Variants in MYT1L observed in about 807,000 individuals in gnomAD.
MYT1L encodes the protein myelin transcription factor 1-like protein.
In MYT1L, 12 loss-of-function variants were observed where a neutral mutation model predicts 126.7. That is an observed-to-expected ratio of 0.09 (90% CI 0.06 to 0.15). The LOEUF is 0.15. MYT1L is among the 10% of genes least tolerant of loss of function. The pLI, the probability that MYT1L is intolerant of heterozygous loss-of-function variation, is 1.00. For synonymous variants in MYT1L, 541 were observed against 604.2 expected (o/e 0.90, Z 1.53); for missense variants, 979 against 1,585.2 (o/e 0.62, Z 6.49).
At chr2:1,955,651 T>C (rs2058278084) in intron 8 of MYT1L, among the ~76,000 whole-genome samples, 1 of 152,208 alleles carries the variant, frequency 6.6e-6, no homozygotes, top group Non-Finnish European at 1.5e-5. Flanking sequence ...ATAAAGAGGA[T>C]TAAGAACGTT....
At chr2:1,821,987 T>C (rs116229221) in intron 21 of MYT1L, among the ~76,000 whole-genome samples, 428 of 152,272 alleles carry the variant, frequency 2.8e-3, no homozygotes, top group Non-Finnish European at 4.5e-3. Context: ...CTTAGACAAT[T>C]CAACTACTCC....
chr2:2,125,209 C>T (rs2081531532), intron 3 of MYT1L, among the ~76,000 whole-genome samples: 1 of 152,064 alleles, frequency 6.6e-6, no homozygotes, highest in Admixed American at 6.5e-5. Context: ...TGCCAGTCTC[C>T]CTCACTGCTG....
Position 2,224,364 on chromosome 2 carries a change from G to A in MYT1L, c.-420-51376C>T, listed in dbSNP as rs894562987. ...CAAAGGAAGAAGGTCCATGGGCTCA[G>A]TGTCCCTCAAAACTAACATCCCCAA... On this transcript the variant is annotated intron_variant, in intron 2 of 24. Transcript: ENST00000647738. The surrounding 1 kb of genome is among the most constrained non-coding windows in gnomAD (Gnocchi z 4.0). 2.0e-5 allele frequency among the ~76,000 whole-genome samples: 3 copies of A among 152,112 alleles called. No individual in the cohort carries two copies. The highest frequency in any genetic ancestry group is 1.3e-4 in the Admixed American group (2 of 15,264).
intron 21 of MYT1L, among the ~76,000 whole-genome samples, chr2:1,819,210 G>A (rs745459201): frequency 1.3e-5 from 2 of 152,186 alleles, no homozygotes; most frequent in Non-Finnish European, 2.9e-5. Flanking sequence ...GGAGAAGAAG[G>A]CCTGAGAAGA....
At chr2:2,163,852 G>A (rs1475106954) in intron 3 of MYT1L, among the ~76,000 whole-genome samples, 3 of 152,130 alleles carry the variant, frequency 2.0e-5, no homozygotes, top group Admixed American at 6.5e-5. Context: ...GAAATTGTTA[G>A]TGGTCCATGA....
chr2:2,043,799 A>G (rs1012568100), intron 4 of MYT1L, among the ~76,000 whole-genome samples: 2 of 152,262 alleles, frequency 1.3e-5, no homozygotes, highest in Non-Finnish European at 2.9e-5. Flanking sequence ...ATGCATGAAT[A>G]TGGTACATAA....
At chr2:2,064,631 T>C (rs565654117) in intron 3 of MYT1L, among the ~76,000 whole-genome samples, 2 of 152,320 alleles carry the variant, frequency 1.3e-5, no homozygotes, top group East Asian at 1.9e-4. Context: ...CAATTCTGAA[T>C]TAGAAACAAT....
intron 8 of MYT1L, among the ~76,000 whole-genome samples, chr2:1,957,762 T>C (rs1452691113): frequency 6.6e-6 from 1 of 151,888 alleles, no homozygotes. Context: ...GCCGAGCATT[T>C]ATTTCTCTCT....
chr2:2,312,408 C>T (rs971052264), intron 1 of MYT1L, among the ~76,000 whole-genome samples: 10 of 151,994 alleles, frequency 6.6e-5, no homozygotes, highest in African/African-American at 1.9e-4. Context: ...CTCAGGAGTT[C>T]AAGACCAGCC....
intron 13 of MYT1L, among the ~76,000 whole-genome samples, chr2:1,904,371 T>TTTG (rs981333408): frequency 2.0e-5 from 3 of 151,996 alleles, no homozygotes; most frequent in Admixed American, 6.6e-5. Context: ...CATTCTTTTT[T>TTTG]TTGTTGTTGT....
intron 2 of MYT1L, among the ~76,000 whole-genome samples, chr2:2,195,844 C>T (rs1166825525): frequency 6.6e-6 from 1 of 151,540 alleles, no homozygotes; most frequent in Admixed American, 6.6e-5. Flanking sequence ...GGAGAAACTA[C>T]CAATATTAAT....
chr2:2,206,682 A>T (rs1408127514), intron 2 of MYT1L, among the ~76,000 whole-genome samples: 1 of 152,348 alleles, frequency 6.6e-6, no homozygotes, highest in Middle Eastern at 3.4e-3. Context: ...GTTAGGTTAG[A>T]TGCTACATTG....
chr2:1,804,263 C>A (rs10205014), intron 22 of MYT1L, among the ~76,000 whole-genome samples: 8 of 152,086 alleles, frequency 5.3e-5, no homozygotes, highest in Non-Finnish European at 1.5e-5. Context: ...TGGGATTATA[C>A]GTGCCTGCCA....
intron 2 of MYT1L, among the ~76,000 whole-genome samples, chr2:2,202,337 G>T (rs2093117216): frequency 1.3e-5 from 2 of 152,080 alleles, no homozygotes; most frequent in South Asian, 4.1e-4. Context: ...CCAGGAGCTG[G>T]TTTTTTGAAA....
intron 2 of MYT1L, among the ~76,000 whole-genome samples, chr2:2,227,495 C>G (rs1178050818): frequency 6.6e-6 from 1 of 152,084 alleles, no homozygotes; most frequent in Non-Finnish European, 1.5e-5. Flanking sequence ...AGGATGGAGC[C>G]CAGGATGAGG....
chr2:2,004,256 G>T (rs903359407), intron 4 of MYT1L, among the ~76,000 whole-genome samples: 1,058 of 73,598 alleles, frequency 0.014, 20 homozygotes, highest in Non-Finnish European at 0.022. Flanking sequence ...CTTTCCTGCA[G>T]GCGTTCTTTC....
At chr2:2,215,598 C>T (rs766895053) in intron 2 of MYT1L, among the ~76,000 whole-genome samples, 4 of 152,068 alleles carry the variant, frequency 2.6e-5, no homozygotes, top group Non-Finnish European at 5.9e-5. Context: ...AGATTTTAAC[C>T]CTCCTATCCT....
intron 1 of MYT1L, among the ~76,000 whole-genome samples, chr2:2,311,394 A>T (rs1365397833): frequency 6.6e-6 from 1 of 152,208 alleles, no homozygotes; most frequent in Non-Finnish European, 1.5e-5. Flanking sequence ...TCTAATAAAC[A>T]TTCTCCAGTT....
intron 3 of MYT1L, among the ~76,000 whole-genome samples, chr2:2,135,916 C>T (rs549250418): frequency 4.9e-4 from 75 of 152,336 alleles, no homozygotes; most frequent in Middle Eastern, 3.4e-3. Flanking sequence ...TATAAAGACA[C>T]ATGCACACAT....
Sources: gnomAD v4.1 joint callset for allele counts (sites outside exome capture counted in the v4.1 genomes callset) on GRCh38, gnomAD v4.1.1 for gene constraint, Gnocchi (gnomAD v3.1) non-coding constraint, MANE v1.5 for transcripts, NCBI Gene and HGNC (gene_info 2026-07-23, HGNC 2026-07-21) for gene names.